The following RIOX2 variants were observed in gnomAD, a reference collection of about 807,000 sequenced individuals.
RIOX2 encodes 60S ribosomal protein L27a histidine hydroxylase.
In RIOX2, 43 loss-of-function variants were observed where a neutral mutation model predicts 51.2. The ratio of observed to expected loss-of-function variants is 0.84; its 90% CI spans 0.66 to 1.08. The LOEUF is 1.08. RIOX2 is among the 50% of genes least tolerant of loss of function. The pLI is 0.00. For synonymous variants in RIOX2, 226 were observed against 218.5 expected (o/e 1.03, Z -0.30); for missense variants, 566 against 561.7 (o/e 1.01, Z -0.08).
In RIOX2 at chr3:97,942,609, G is replaced by T; in HGVS notation, c.*2575C>A. On this transcript the variant is annotated 3_prime_UTR_variant, in exon 10 of 10. Coordinates refer to ENST00000394198, the MANE Select transcript of RIOX2 (RefSeq NM_153182.4). ...GGCAGTTTTACAAACAAAACAATTA[G>T]CAGAAAAAGCCAAACAACAAAGCTT... 1 of 619,504 alleles carries T rather than the reference G, an allele frequency of 1.6e-6. No homozygotes were observed. The highest frequency in any genetic ancestry group is 2.6e-6 in the Non-Finnish European group (1 of 379,848). The allele number at this position is 619,504 out of a possible 1,614,324, so 38.4% of individuals were successfully genotyped here.
intron 5 of RIOX2, chr3:97,951,115 TA>T: frequency 4.3e-6 from 2 of 460,126 alleles, no homozygotes; most frequent in Admixed American, 3.8e-5. Context: ...CTTGCAAAGT[TA>T]AAAGTGGGAA....
chr3:97,951,074 C>CT, intron 5 of RIOX2, 186 bp from the exon 6 acceptor site: 1 of 545,138 alleles, frequency 1.8e-6, no homozygotes, highest in Non-Finnish European at 3.3e-6. Flanking sequence ...ATCAACCACC[C>CT]TGTTTCCTCC....
chr3:97,972,053 A>C (rs1040579207), intron 1 of RIOX2: 2 of 152,034 alleles, frequency 1.3e-5, no homozygotes, highest in Non-Finnish European at 1.5e-5. Context: ...CTCCTTGCTA[A>C]GCCTCCAAAC....
At chr3:97,959,596 A>G (rs1364664685) in intron 3 of RIOX2, among the ~76,000 whole-genome samples, 1 of 152,150 alleles carries the variant, frequency 6.6e-6, no homozygotes, top group Non-Finnish European at 1.5e-5. Flanking sequence ...TACAGGCGTG[A>G]GCCACCACGC....
intron 4 of RIOX2, among the ~76,000 whole-genome samples, chr3:97,958,462 A>G (rs759250621): frequency 7.2e-5 from 11 of 152,212 alleles, no homozygotes; most frequent in Non-Finnish European, 1.6e-4. Context: ...CAGCAGCAAG[A>G]TGCCAAGGAA....
chr3:97,945,497 AC>A lies in RIOX2; in HGVS notation c.1240-156del, dbSNP rs1338177039. 8 of 676,816 alleles carry A rather than the reference AC, an allele frequency of 1.2e-5. No individual in the cohort carries two copies. In the African/African-American group the frequency reaches 1.3e-4, roughly 11 times the overall value. 41.9% of individuals were successfully genotyped at this position (676,816 alleles called of 1,614,324 possible). ...CAATTAGATAACATAAAAGATGCCAACTTCTATATAAAAGGCATCCTAATTT... is the reference window on the plus strand; with the variant it reads ...CAATTAGATAACATAAAAGATGCCAATTCTATATAAAAGGCATCCTAATTT... On this transcript the variant is annotated intron_variant, in intron 9 of 9. Coordinates refer to ENST00000394198, the MANE Select transcript of RIOX2 (RefSeq NM_153182.4).
chr3:97,959,305 GGTTT>G (rs1188755213), intron 3 of RIOX2, 126 bp from the exon 4 acceptor site: 4 of 423,408 alleles, frequency 9.4e-6, no homozygotes, highest in Non-Finnish European at 1.5e-5. Context: ...GAACAACACA[GGTTT>G]TTTTTTTTTT....
At chr3:97,965,681 G>C (rs542921948) in intron 2 of RIOX2, among the ~76,000 whole-genome samples, 1 of 152,206 alleles carries the variant, frequency 6.6e-6, no homozygotes, top group Non-Finnish European at 1.5e-5. Flanking sequence ...CACTTAAGTG[G>C]ATGAGCAGAG....
At chr3:97,970,934 T>A (rs1224961560) in intron 1 of RIOX2, among the ~76,000 whole-genome samples, 2 of 152,208 alleles carry the variant, frequency 1.3e-5, no homozygotes, top group African/African-American at 4.8e-5. Flanking sequence ...GATTTGTATA[T>A]CCCCGGAAAC....
chr3:97,943,976 C>T lies in RIOX2; in HGVS notation c.*1208G>A. The stretch of plus-strand genomic sequence containing the variant: ...CTCAGTCCTTCAAACTAAAAAAGTA[C>T]AAATAAATAACCTATGGCCAAACTT... On this transcript the variant is annotated 3_prime_UTR_variant, in exon 10 of 10. Transcript: ENST00000394198. 2 of 151,866 alleles carry T rather than the reference C, an allele frequency of 1.3e-5. 1 individual carries two copies. The highest frequency in any genetic ancestry group is 3.9e-4 in the East Asian group (2 of 5,180). 9.4% of individuals were successfully genotyped at this position (151,866 alleles called of 1,614,324 possible). A position where few individuals can be genotyped will look rare whatever the true frequency, so the allele number is the denominator to read the frequency against.
intron 2 of RIOX2, among the ~76,000 whole-genome samples, chr3:97,962,101 C>T (rs1335724294): frequency 6.6e-6 from 1 of 151,886 alleles, no homozygotes; most frequent in African/African-American, 2.4e-5. Flanking sequence ...GCAGCTCAAG[C>T]GAGAAGTGAC....
rs777635324 is a variant in RIOX2 at position 97,945,821 on chromosome 3, T to C, written c.1216A>G (p.Met406Val). ...SLKNSRETHM[M>V]GNEEETEFHG... ...ACCTCTGTTTCCTCCTCATTTCCCA[T>C]CATGTGTGTCTCTCTACTATTCTTT... Residue 406 changes from methionine (M) to valine (V), a missense_variant, in exon 9 of 10, where the codon ATG becomes GTG. Transcript: ENST00000394198. 1 of 1,610,718 alleles carries C rather than the reference T, an allele frequency of 6.2e-7. No individual in the cohort carries two copies. The highest frequency in any genetic ancestry group is 8.5e-7 in the Non-Finnish European group (1 of 1,177,396).
intron 5 of RIOX2, chr3:97,951,124 G>C (rs575325874): frequency 4.8e-4 from 217 of 453,770 alleles, no homozygotes; most frequent in Admixed American, 3.0e-3. Context: ...TTAAAAGTGG[G>C]AAGCTAGGCT....
At chr3:97,962,999 A>T (rs181240504) in intron 2 of RIOX2, among the ~76,000 whole-genome samples, 1 of 152,360 alleles carries the variant, frequency 6.6e-6, no homozygotes, top group Non-Finnish European at 1.5e-5. Flanking sequence ...AACATATTTA[A>T]ATACTTGCTG....
intron 2 of RIOX2, among the ~76,000 whole-genome samples, chr3:97,964,960 C>T (rs1442331273): frequency 6.6e-6 from 1 of 151,980 alleles, no homozygotes; most frequent in Non-Finnish European, 1.5e-5. Context: ...ACTAACTATA[C>T]TAATAAGCTG....
chr3:97,946,641 C>G (rs1041067761), intron 8 of RIOX2, among the ~76,000 whole-genome samples: 1 of 139,190 alleles, frequency 7.2e-6, no homozygotes, highest in Admixed American at 7.2e-5. Context: ...TATTCCAACT[C>G]TGGCCCTGAC....
intron 8 of RIOX2, among the ~76,000 whole-genome samples, chr3:97,946,830 C>T (rs1167895707): frequency 6.6e-6 from 1 of 151,744 alleles, no homozygotes; most frequent in African/African-American, 2.4e-5. Context: ...AATCCAAAGG[C>T]TCCAAGACCA....
chr3:97,963,469 CAG>C (rs1705758971), intron 2 of RIOX2, among the ~76,000 whole-genome samples: 1 of 152,160 alleles, frequency 6.6e-6, no homozygotes. Context: ...CTATAGATCT[CAG>C]AGTTTCTACT....
At chr3:97,950,143 A>G (rs1575996450) in intron 6 of RIOX2, 128 bp from the exon 7 acceptor site, 1 of 824,224 alleles carries the variant, frequency 1.2e-6, no homozygotes, top group East Asian at 2.6e-5. Context: ...TCCAAAGGGG[A>G]AGGGACAACC....
Sources: allele counts gnomAD v4.1 joint callset (sites outside exome capture counted in the v4.1 genomes callset), GRCh38; gene constraint gnomAD v4.1.1; transcripts MANE v1.5; gene names NCBI Gene and HGNC (gene_info 2026-07-23, HGNC 2026-07-21).